The following NSMCE2 variants were observed in gnomAD, a reference collection of about 807,000 sequenced individuals.
The protein encoded by NSMCE2 is NSE2 SUMO ligase component of SMC5/6 complex.
Under a neutral mutation model 23.8 loss-of-function variants are expected in NSMCE2, and 24 were observed. The observed-to-expected ratio is 1.01, with a 90% confidence interval of 0.73 to 1.42. NSMCE2 has a LOEUF of 1.42. Among genes scored for constraint, NSMCE2 ranks in the 40% most tolerant of loss-of-function variants. The probability of loss-of-function intolerance (pLI) is 0.00; values close to 1 mark genes in which losing one functional copy is unlikely to be tolerated. For missense variants in NSMCE2, 284 were observed against 296.5 expected, an observed-to-expected ratio of 0.96 and a Z score of 0.31; for synonymous variants, 92 against 94.1, an observed-to-expected ratio of 0.98 and a Z score of 0.13.
intron 4 of NSMCE2, among the ~76,000 whole-genome samples, chr8:125,180,429 T>G (rs1308876189): frequency 1.3e-5 from 2 of 152,240 alleles, no homozygotes; most frequent in Non-Finnish European, 2.9e-5. Context: ...TTTGGTTTCA[T>G]GCTTAATTCT....
intron 3 of NSMCE2, among the ~76,000 whole-genome samples, chr8:125,140,010 A>G (rs1318848854): frequency 6.6e-6 from 1 of 152,174 alleles, no homozygotes; most frequent in Non-Finnish European, 1.5e-5. Flanking sequence ...TTTAAAAGGG[A>G]TGCCTTACAC....
chr8:125,282,820 G>A (rs1323845253), intron 5 of NSMCE2, among the ~76,000 whole-genome samples: 1 of 152,252 alleles, frequency 6.6e-6, no homozygotes, highest in South Asian at 2.1e-4. Context: ...TATACACAAT[G>A]CCATGTGTAA....
At chr8:125,127,836 C>T (rs1586475070) in intron 3 of NSMCE2, among the ~76,000 whole-genome samples, 1 of 152,100 alleles carries the variant, frequency 6.6e-6, no homozygotes, top group African/African-American at 2.4e-5. Flanking sequence ...GGATCCAAGT[C>T]TAAACATGAA....
chr8:125,136,865 A>G (rs1177697327), intron 3 of NSMCE2, among the ~76,000 whole-genome samples: 5 of 152,162 alleles, frequency 3.3e-5, no homozygotes, highest in African/African-American at 1.2e-4. Context: ...CATCTTTAAA[A>G]TGTCAATATA....
intron 5 of NSMCE2, among the ~76,000 whole-genome samples, chr8:125,340,220 G>C (rs1257329850): frequency 6.6e-6 from 1 of 151,810 alleles, no homozygotes; most frequent in African/African-American, 2.4e-5. Flanking sequence ...GGGTTTCACC[G>C]TGTTAGCCTA....
At chr8:125,202,799 T>G (rs78862184) in intron 5 of NSMCE2, among the ~76,000 whole-genome samples, 4,305 of 152,332 alleles carry the variant, frequency 0.028, 200 homozygotes, top group African/African-American at 0.097. Flanking sequence ...AGCAATGTTT[T>G]AATAATTTTG....
At position 125,363,620 on chromosome 8, in the gene NSMCE2, GGAAA is replaced by G. The variant is rs200020413; in HGVS notation, c.627-3144_627-3141del. 9.9e-3 allele frequency among the ~76,000 whole-genome samples: 1,291 copies of G among 131,048 alleles called. 31 individuals are homozygous for G. The highest frequency in any genetic ancestry group is 0.034 in the African/African-American group (1,198 of 35,018). 86.0% of individuals were successfully genotyped at this position (131,048 alleles called of 152,430 possible). On this transcript the variant is annotated intron_variant, in intron 7 of 7. Coordinates refer to ENST00000287437, the MANE Select transcript of NSMCE2 (RefSeq NM_173685.4). ...AGGAGAAAGGAGGAGGGGGAGGGAAGGAAAGAAGGAAGGAAGAAGAGAGGAGGAG... is the reference window on the plus strand; with the variant it reads ...AGGAGAAAGGAGGAGGGGGAGGGAAGGAAGGAAGGAAGAAGAGAGGAGGAG...
intron 5 of NSMCE2, among the ~76,000 whole-genome samples, chr8:125,286,160 C>G (rs1827885325): frequency 1.3e-5 from 2 of 152,122 alleles, no homozygotes; most frequent in South Asian, 4.2e-4. Flanking sequence ...AGGAATTAAT[C>G]ATCAGTGAAA....
At position 125,188,483 on chromosome 8, in the gene NSMCE2, T is replaced by TGTGG. The variant is rs1823206350; in HGVS notation, c.418+6228_418+6231dup. On this transcript the variant is annotated intron_variant, in intron 5 of 7. Transcript: ENST00000287437. The stretch of plus-strand genomic sequence containing the variant: ...CCAGCCTATTGTTGCTGTGAGTGGG[T>TGTGG]GTGGACCCACTGTTGCCAGATCTTC... Among the ~76,000 whole-genome samples the TGTGG allele has an allele frequency of 2.6e-5, 4 of 152,194 alleles. No homozygotes were observed. The South Asian group carries it at 8.3e-4, about 32-fold the overall frequency.
At chr8:125,212,265 C>T (rs74664999) in intron 5 of NSMCE2, among the ~76,000 whole-genome samples, 3,280 of 152,208 alleles carry the variant, frequency 0.022, 127 homozygotes, top group African/African-American at 0.075. Context: ...GATTTTATGA[C>T]CTGTTTTCTG....
intron 3 of NSMCE2, among the ~76,000 whole-genome samples, chr8:125,134,298 G>C (rs1819943582): frequency 6.6e-6 from 1 of 152,146 alleles, no homozygotes; most frequent in Non-Finnish European, 1.5e-5. Context: ...AAATTATATA[G>C]TTAAATGTAC....
In NSMCE2 at chr8:125,110,752, GGTT is replaced by G. The variant is rs1289341239; in HGVS notation, c.157+8275_157+8277del. The stretch of plus-strand genomic sequence containing the variant: ...AGCGACGTTTTGCTTAGATAATTTT[GGTT>G]GTTGTTGTTTTTTTTTTTTTTTTTT... On this transcript the variant is annotated intron_variant, in intron 3 of 7. Transcript: ENST00000287437. Among the ~76,000 whole-genome samples the G allele has an allele frequency of 8.7e-4, 118 of 135,942 alleles. 1 individual carries two copies. The highest frequency in any genetic ancestry group is 2.9e-3 in the African/African-American group (102 of 34,878). 89.2% of individuals were successfully genotyped at this position (135,942 alleles called of 152,430 possible).
intron 5 of NSMCE2, among the ~76,000 whole-genome samples, chr8:125,334,994 A>C (rs573269602): frequency 1.6e-4 from 24 of 151,880 alleles, no homozygotes; most frequent in Non-Finnish European, 8.8e-5. Flanking sequence ...GGCCTCAAGC[A>C]GTCCTCCCAC....
chr8:125,142,829 T>TG (rs745917404), intron 3 of NSMCE2, among the ~76,000 whole-genome samples: 1 of 152,308 alleles, frequency 6.6e-6, no homozygotes, highest in Middle Eastern at 3.4e-3. Flanking sequence ...CTCGAACTCC[T>TG]GACCTCAGGT....
chr8:125,271,115 G>GC (rs1303736354), intron 5 of NSMCE2, among the ~76,000 whole-genome samples: 1 of 151,928 alleles, frequency 6.6e-6, no homozygotes, highest in Non-Finnish European at 1.5e-5. Flanking sequence ...ACAAAATTTT[G>GC]CCAGGCATGG....
At chr8:125,202,189 G>A (rs897538232) in intron 5 of NSMCE2, among the ~76,000 whole-genome samples, 3 of 152,194 alleles carry the variant, frequency 2.0e-5, no homozygotes, top group African/African-American at 4.8e-5. Context: ...GCAATGCCCC[G>A]CCCTACTTCA....
intron 5 of NSMCE2, among the ~76,000 whole-genome samples, chr8:125,192,281 G>T (rs1215341426): frequency 6.6e-6 from 1 of 151,638 alleles, no homozygotes; most frequent in African/African-American, 2.4e-5. Flanking sequence ...GGAAGTTTCA[G>T]GCAAAGTTAT....
intron 5 of NSMCE2, among the ~76,000 whole-genome samples, chr8:125,352,082 T>C (rs74558696): frequency 0.028 from 4,202 of 152,330 alleles, 86 homozygotes; most frequent in East Asian, 0.054. Context: ...ATAGTTATTC[T>C]TCATGGGTAT....
At chr8:125,181,619 A>G (rs1047427242) in intron 4 of NSMCE2, among the ~76,000 whole-genome samples, 1 of 152,134 alleles carries the variant, frequency 6.6e-6, no homozygotes, top group African/African-American at 2.4e-5. Context: ...TTGGCATGGC[A>G]GGACATTATG....
Sources: gnomAD v4.1 joint callset for allele counts (sites outside exome capture counted in the v4.1 genomes callset) on GRCh38, gnomAD v4.1.1 for gene constraint, MANE v1.5 for transcripts, NCBI Gene and HGNC (gene_info 2026-07-23, HGNC 2026-07-21) for gene names.